The following ING5 variants were observed in gnomAD, a reference collection of about 807,000 sequenced individuals.
ING5 encodes inhibitor of growth family member 5.
In ING5, 17 loss-of-function variants were observed where a neutral mutation model predicts 37.4. The observed-to-expected ratio is 0.45, with a 90% CI of 0.31 to 0.68. The LOEUF (loss-of-function observed/expected upper bound fraction) is 0.68. Among genes scored for constraint, ING5 ranks in the 30% least tolerant of loss-of-function variants. The pLI is 0.05. For missense variants in ING5, 233 were observed against 311.9 expected (o/e 0.75, Z 1.91); for synonymous variants, 123 against 116.6 (o/e 1.06, Z -0.36).
chr2:241,701,860 C>T (rs1575119330), upstream of ING5, among the ~76,000 whole-genome samples: 1 of 151,686 alleles, frequency 6.6e-6, no homozygotes, highest in Non-Finnish European at 1.5e-5. Context: ...GGGTCCTGCT[C>T]GCTGCCCGAC....
At chr2:241,707,360 A>C (rs1312069947) in intron 2 of ING5, among the ~76,000 whole-genome samples, 1 of 145,586 alleles carries the variant, frequency 6.9e-6, no homozygotes, top group African/African-American at 2.6e-5. Context: ...GCACGATCTC[A>C]GCTCACCGCA....
Position 241,725,123 on chromosome 2 carries a change from G to A in ING5, c.*92G>A. 1.5e-6 allele frequency: 2 copies of A among 1,338,178 alleles called. No homozygotes were observed. Among genetic ancestry groups the A allele is most frequent in the South Asian group, 1.2e-5 (1 of 84,050 alleles). 82.9% of individuals were successfully genotyped at this position (1,338,178 alleles called of 1,614,324 possible). On this transcript the variant is annotated 3_prime_UTR_variant, in exon 8 of 8. Coordinates refer to ENST00000313552, the MANE Select transcript of ING5 (RefSeq NM_032329.6). ...CCTTCCTTTTAAAACTACCTTGTTC[G>A]GTTGATACTTAGTAACTCCGTGGCC... is the stretch of plus-strand genomic sequence containing the variant.
chr2:241,689,624 G>A (rs1368425168), intron 1 of ING5, among the ~76,000 whole-genome samples: 11 of 152,164 alleles, frequency 7.2e-5, no homozygotes, highest in South Asian at 2.1e-4. Context: ...AAGTACAGCC[G>A]TTGTAGCTGA....
intron 5 of ING5, chr2:241,722,660 C>T: frequency 1.0e-6 from 1 of 985,406 alleles, no homozygotes; most frequent in Non-Finnish European, 1.2e-6. Context: ...ATGTGTGCTC[C>T]AGGAAGAAAA....
chr2:241,724,444 G>A (rs1575142697), intron 7 of ING5, among the ~76,000 whole-genome samples: 2 of 152,156 alleles, frequency 1.3e-5, no homozygotes, highest in Admixed American at 6.5e-5. Context: ...CATGCGAGTC[G>A]GCTGCCTCCT....
At chr2:241,721,025 C>T in intron 5 of ING5, 2 of 985,596 alleles carry the variant, frequency 2.0e-6, no homozygotes, top group Non-Finnish European at 2.4e-6. Context: ...GATGCTGAGA[C>T]ACAGGTCAAG....
upstream of ING5, chr2:241,701,896 C>CGCCGCAG (rs1553581023): frequency 2.9e-6 from 1 of 347,616 alleles, no homozygotes; most frequent in Admixed American, 4.9e-5. Flanking sequence ...TCCGCCCGGG[C>CGCCGCAG]CCCGCAGCCC....
intron 5 of ING5, among the ~76,000 whole-genome samples, chr2:241,717,298 T>C (rs1424315564): frequency 6.6e-6 from 1 of 152,178 alleles, no homozygotes; most frequent in Non-Finnish European, 1.5e-5. Context: ...CTCGAACTCC[T>C]GGCCTCCAGT....
At chr2:241,717,376 A>G (rs1055782737) in intron 5 of ING5, among the ~76,000 whole-genome samples, 48 of 152,210 alleles carry the variant, frequency 3.2e-4, no homozygotes, top group African/African-American at 9.4e-4. Flanking sequence ...TGGCCCAACT[A>G]TTATTTCTTA....
rs1691608967 is a variant in ING5, at chr2:241,726,018, T to A, written c.*987T>A. 1 of 152,642 alleles carries A rather than the reference T, an allele frequency of 6.6e-6. No individual in the cohort carries two copies. 9.5% of individuals were successfully genotyped at this position (152,642 alleles called of 1,614,324 possible). On this transcript the variant is annotated 3_prime_UTR_variant, in exon 8 of 8. Coordinates refer to ENST00000313552, the MANE Select transcript of ING5 (RefSeq NM_032329.6). The stretch of plus-strand genomic sequence containing the variant: ...AAACTCGAGTGTGCTTTTTGTTTAA[T>A]GAGCGTTCACCAAGCTGAGCCGGAG...
At chr2:241,702,920 C>T (rs2124876674) in intron 1 of ING5, among the ~76,000 whole-genome samples, 1 of 152,308 alleles carries the variant, frequency 6.6e-6, no homozygotes, top group Admixed American at 6.5e-5. Context: ...CTGGAGGGCC[C>T]TTGTGGGGGC....
At chr2:241,704,594 G>A in intron 1 of ING5, 59 bp from the exon 2 acceptor site, 1 of 1,348,546 alleles carries the variant, frequency 7.4e-7, no homozygotes, top group Non-Finnish European at 1.1e-6. Flanking sequence ...AAAACCTTTG[G>A]AGGTGAATTT....
At chr2:241,700,885 C>T (rs180959207), upstream of ING5, among the ~76,000 whole-genome samples, 1 of 151,892 alleles carries the variant, frequency 6.6e-6, no homozygotes, top group African/African-American at 2.4e-5. Context: ...CTCGGCCTCC[C>T]AAAGTGTTGG....
At chr2:241,687,470 C>A in exon 1 of ING5, 2 of 398,292 alleles carry the variant, frequency 5.0e-6, no homozygotes, top group East Asian at 7.1e-5. Context: ...GATAAATGTT[C>A]ACTGTTGTCC....
At chr2:241,694,732 A>G (rs145051300) in intron 2 of ING5, among the ~76,000 whole-genome samples, 3 of 148,482 alleles carry the variant, frequency 2.0e-5, no homozygotes, top group Non-Finnish European at 4.5e-5. Context: ...AAAATGTGCA[A>G]TACTCGGCCA....
intron 2 of ING5, among the ~76,000 whole-genome samples, chr2:241,696,115 G>A (rs1473548455): frequency 1.1e-4 from 16 of 152,104 alleles, no homozygotes; most frequent in Admixed American, 1.0e-3. Context: ...AAACAGGCTG[G>A]GCTCGGTGTC....
At chr2:241,716,047 C>T (rs539872549) in intron 5 of ING5, among the ~76,000 whole-genome samples, 2 of 151,482 alleles carry the variant, frequency 1.3e-5, no homozygotes, top group South Asian at 4.2e-4. Flanking sequence ...CCCACCTTGG[C>T]CTCCCCTCCC....
At chr2:241,698,752 G>T (rs1559296498), upstream of ING5, among the ~76,000 whole-genome samples, 1 of 152,176 alleles carries the variant, frequency 6.6e-6, no homozygotes, top group African/African-American at 2.4e-5. Context: ...TTTTGAGACA[G>T]AGTCTTGCTC....
At chr2:241,722,371 G>C in intron 5 of ING5, 4 of 985,376 alleles carry the variant, frequency 4.1e-6, no homozygotes, top group Non-Finnish European at 4.8e-6. Flanking sequence ...CGAGATGAGA[G>C]TGGACTCGTC....
Sources: allele counts gnomAD v4.1 joint callset (sites outside exome capture counted in the v4.1 genomes callset), GRCh38; gene constraint gnomAD v4.1.1; transcripts MANE v1.5; gene names NCBI Gene and HGNC (gene_info 2026-07-23, HGNC 2026-07-21).